Variants in F2 observed in about 807,000 individuals in gnomAD.
F2 encodes the protein prothrombin.
Under a neutral mutation model 81.9 loss-of-function variants are expected in F2, and 34 were observed. The observed-to-expected ratio is 0.42, with a 90% CI of 0.32 to 0.55. The LOEUF (loss-of-function observed/expected upper bound fraction) is 0.55, where lower values mean the gene tolerates loss of function less well. Among genes scored for constraint, F2 ranks in the 20% least tolerant of loss-of-function variants. The pLI is 0.18. For missense variants in F2, 630 were observed against 833.4 expected, an observed-to-expected ratio of 0.76 and a Z score of 3.00; for synonymous variants, 296 against 326.4, an observed-to-expected ratio of 0.91 and a Z score of 1.01.
rs746470803 is a variant in F2, at chr11:46,723,146, G to A, written c.317-34G>A. 1 of 1,597,840 alleles carries A rather than the reference G, an allele frequency of 6.3e-7. No homozygotes were observed. The highest frequency in any genetic ancestry group is 2.2e-5 in the East Asian group (1 of 44,816). On this transcript the variant is annotated intron_variant, in intron 4 of 13. Transcript: ENST00000311907. The surrounding 1 kb of genome is among the most constrained non-coding windows in gnomAD (Gnocchi z 5.6). Reference sequence around the variant, plus strand: ...CAGGGAGAGAGGAAATAAGTCCCCAGGCTCCAAGGCTGACCGGGGTGGGGT... The same window carrying A: ...CAGGGAGAGAGGAAATAAGTCCCCAAGCTCCAAGGCTGACCGGGGTGGGGT...
In F2 at chr11:46,726,845, C is replaced by T. The variant is rs751195955; in HGVS notation, c.1130+8C>T. 2.5e-6 allele frequency: 4 copies of T among 1,613,506 alleles called. No homozygotes were observed. The African/African-American group carries it at 5.3e-5, about 22-fold the overall frequency. Reference sequence around the variant, plus strand: ...GATCGGCATGTCACCTTGGTGTGTCCTGGAGCCCTGCGCTACCATTCACTC... The same window carrying T: ...GATCGGCATGTCACCTTGGTGTGTCTTGGAGCCCTGCGCTACCATTCACTC... On this transcript the variant is annotated splice_region_variant and intron_variant, in intron 9 of 13. Transcript: ENST00000311907. This position sits in a 1 kb window ranked among gnomAD's most constrained non-coding sequence, Gnocchi z 5.9.
Position 46,719,689 on chromosome 11 carries a change from C to T in F2, c.80-13C>T, listed in dbSNP as rs769031043. On this transcript the variant is annotated splice_polypyrimidine_tract_variant and intron_variant, in intron 1 of 13. Transcript: ENST00000311907. The surrounding 1 kb of genome is among the most constrained non-coding windows in gnomAD (Gnocchi z 4.7). The stretch of plus-strand genomic sequence containing the variant: ...TGAGGCCGCTGTCCCATGACCCCCC[C>T]ACCGCCTTACAGTGTTCCTGGCTCC... 8.9e-6 allele frequency: 14 copies of T among 1,581,870 alleles called. No individual in the cohort carries two copies. In the Admixed American group the frequency reaches 1.3e-4, roughly 14 times the overall value.
Position 46,723,131 on chromosome 11 carries a change from G to A in F2, c.317-49G>A, listed in dbSNP as rs1565702109. The A allele has an allele frequency of 1.9e-6, 3 of 1,548,668 alleles. No individual in the cohort carries two copies. ...GGATAGACAACTTTGCAGGGAGAGA[G>A]GAAATAAGTCCCCAGGCTCCAAGGC... On this transcript the variant is annotated intron_variant, in intron 4 of 13. Coordinates refer to ENST00000311907, the MANE Select transcript of F2 (RefSeq NM_000506.5). The surrounding 1 kb of genome is among the most constrained non-coding windows in gnomAD (Gnocchi z 5.6).
intron 6 of F2, 122 bp from the exon 7 acceptor site, chr11:46,725,737 G>T: frequency 8.9e-7 from 1 of 1,121,184 alleles, no homozygotes; most frequent in East Asian, 2.4e-5. Flanking sequence ...GAAGCCCAGA[G>T]AGGTTAAGTA....
Position 46,723,557 on chromosome 11 carries a change from C to A in F2, c.559+39C>A, listed in dbSNP as rs771528049. ...AGTGGGGCGGCCCATGGCCAAGGCC[C>A]GGGGGCTTCATGGGGCCTGGCAGCC... On this transcript the variant is annotated intron_variant, in intron 6 of 13. Transcript: ENST00000311907. The surrounding 1 kb of genome is among the most constrained non-coding windows in gnomAD (Gnocchi z 5.6). 6.3e-7 allele frequency: 1 copy of A among 1,580,800 alleles called. No individual in the cohort carries two copies. The highest frequency in any genetic ancestry group is 8.6e-7 in the Non-Finnish European group (1 of 1,161,904).
At chr11:46,720,049 T>C in intron 2 of F2, 187 bp downstream of exon 2, 1 of 775,784 alleles carries the variant, frequency 1.3e-6, no homozygotes, top group Non-Finnish European at 2.1e-6. Flanking sequence ...TCTCTGTGCC[T>C]GGACTGTGTC....
At chr11:46,724,964 G>C (rs974548537) in intron 6 of F2, among the ~76,000 whole-genome samples, 3 of 151,120 alleles carry the variant, frequency 2.0e-5, no homozygotes, top group Non-Finnish European at 4.4e-5. Flanking sequence ...TAGAGACGGG[G>C]TTTCACCATG....
chr11:46,726,860 A>T lies in F2; in HGVS notation c.1130+23A>T, dbSNP rs777707143. 3 of 1,613,352 alleles carry T rather than the reference A, an allele frequency of 1.9e-6. No homozygotes were observed. In the East Asian group the frequency reaches 6.7e-5, roughly 36 times the overall value. ...TTGGTGTGTCCTGGAGCCCTGCGCT[A>T]CCATTCACTCCTGGGGGCAGGTGTG... On this transcript the variant is annotated intron_variant, in intron 9 of 13. Transcript: ENST00000311907. The surrounding 1 kb of genome is among the most constrained non-coding windows in gnomAD (Gnocchi z 5.9).
Position 46,728,190 on chromosome 11 carries a change from C to A in F2, c.1298+27C>A. On this transcript the variant is annotated intron_variant, in intron 10 of 13. Transcript: ENST00000311907. This position sits in a 1 kb window ranked among gnomAD's most constrained non-coding sequence, Gnocchi z 5.1. ...TACAGAACTGGTGGCCCGTGGGTGT[C>A]TGGCAGGGGTCTGAGTCCTCCAAAG... 6.3e-7 allele frequency: 1 copy of A among 1,598,852 alleles called. No individual in the cohort carries two copies. Among genetic ancestry groups the A allele is most frequent in the South Asian group, 1.1e-5 (1 of 87,912 alleles).
intron 12 of F2, among the ~76,000 whole-genome samples, chr11:46,733,267 G>C (rs2064924702): frequency 6.6e-6 from 1 of 152,146 alleles, no homozygotes; most frequent in African/African-American, 2.4e-5. Flanking sequence ...TCCTATGGCT[G>C]GGCTCAGCCC....
chr11:46,720,663 C>G (rs1237995835), intron 3 of F2, 116 bp downstream of exon 3: 1 of 1,500,004 alleles, frequency 6.7e-7, no homozygotes. Flanking sequence ...CCCTTCCCCA[C>G]TCCTTCCTTG....
In F2 at chr11:46,723,277, T is replaced by C; in HGVS notation, c.414T>C (p.His138=). Residue 138 remains histidine, a synonymous_variant, in exon 5 of 14, where the codon CAT becomes CAC. Transcript: ENST00000311907. The surrounding 1 kb of genome is among the most constrained non-coding windows in gnomAD (Gnocchi z 5.6). ...ECQLWRSRYP[H]KPEINSTTHP... is the part of the protein sequence containing the mutation. Reference sequence around the variant, plus strand: ...AGCTATGGAGGAGTCGCTACCCACATAAGCCTGAGTGAGTGAGGGGCCGGC... The same window carrying C: ...AGCTATGGAGGAGTCGCTACCCACACAAGCCTGAGTGAGTGAGGGGCCGGC... 1 of 1,613,984 alleles carries C rather than the reference T, an allele frequency of 6.2e-7. No individual in the cohort carries two copies. The highest frequency in any genetic ancestry group is 2.2e-5 in the East Asian group (1 of 44,852).
chr11:46,729,375 CAA>C lies in F2; in HGVS notation c.1473-3_1473-2del. ...TCTCACTAGGCCCTTCTTCCTTCCC[CAA>C]AGCTTGCTCCAGGCTGGATACAAGG... On this transcript the variant is annotated splice_polypyrimidine_tract_variant and splice_region_variant and intron_variant, in intron 11 of 13. Transcript: ENST00000311907. The C allele has an allele frequency of 6.2e-7, 1 of 1,613,118 alleles. No homozygotes were observed. Among genetic ancestry groups the C allele is most frequent in the South Asian group, 1.1e-5 (1 of 91,084 alleles).
Position 46,728,850 on chromosome 11 carries a change from A to T in F2, c.1472+13A>T, listed in dbSNP as rs2064893000. On this transcript the variant is annotated intron_variant, in intron 11 of 13. Coordinates refer to ENST00000311907, the MANE Select transcript of F2 (RefSeq NM_000506.5). This position sits in a 1 kb window ranked among gnomAD's most constrained non-coding sequence, Gnocchi z 5.1. ...AGACGGCAGCCAGGTGGGCCACCAG[A>T]TGCTTGTTAGCTGAGGGGCAGAAGC... is the stretch of plus-strand genomic sequence containing the variant. 13 of 1,612,802 alleles carry T rather than the reference A, an allele frequency of 8.1e-6. No individual in the cohort carries two copies. Among genetic ancestry groups the T allele is most frequent in the Non-Finnish European group, 1.1e-5 (13 of 1,179,580 alleles).
At position 46,726,914 on chromosome 11, in the gene F2, C is replaced by T; in HGVS notation, c.1130+77C>T. 6.3e-7 allele frequency: 1 copy of T among 1,599,814 alleles called. No homozygotes were observed. Among genetic ancestry groups the T allele is most frequent in the Non-Finnish European group, 8.5e-7 (1 of 1,169,954 alleles). On this transcript the variant is annotated intron_variant, in intron 9 of 13. Coordinates refer to ENST00000311907, the MANE Select transcript of F2 (RefSeq NM_000506.5). This position sits in a 1 kb window ranked among gnomAD's most constrained non-coding sequence, Gnocchi z 5.9. ...CTGGACCCCCACCCTCAGGCCCTGC[C>T]TGCAGGCCTGGGCTTTACAGATGAC...
chr11:46,728,292 T>C lies in F2; in HGVS notation c.1298+129T>C. 1 of 1,083,170 alleles carries C rather than the reference T, an allele frequency of 9.2e-7. No individual in the cohort carries two copies. The highest frequency in any genetic ancestry group is 1.4e-6 in the Non-Finnish European group (1 of 731,224). The allele number at this position is 1,083,170 out of a possible 1,614,324, so 67.1% of individuals were successfully genotyped here. A position where few individuals can be genotyped will look rare whatever the true frequency, so the allele number is the denominator to read the frequency against. On this transcript the variant is annotated intron_variant, in intron 10 of 13. Transcript: ENST00000311907. This position sits in a 1 kb window ranked among gnomAD's most constrained non-coding sequence, Gnocchi z 5.1. ...CCCCCAGAATATAACATCCCAGCAG[T>C]CTCTGCTGGAAAGCCCATTTGGTCA...
rs1432881666 is a variant in F2, at chr11:46,726,712, CTG to C, written c.1008_1009del (p.Cys336TrpfsTer62). The C allele has an allele frequency of 6.2e-7, 1 of 1,614,128 alleles. No homozygotes were observed. Among genetic ancestry groups the C allele is most frequent in the Non-Finnish European group, 8.5e-7 (1 of 1,180,052 alleles). ...PRTFGSGEAD[C>X]GLRPLFEKKS... ...CTCACTGCTTGGCTTGCTCTGCAGACTGTGGGCTGCGACCTCTGTTCGAGAAG... is the reference window on the plus strand; with the variant it reads ...CTCACTGCTTGGCTTGCTCTGCAGACTGGGCTGCGACCTCTGTTCGAGAAG... On this transcript the variant is annotated frameshift_variant and splice_region_variant, in exon 9 of 14. Coordinates refer to ENST00000311907, the MANE Select transcript of F2 (RefSeq NM_000506.5). LOFTEE classifies it high-confidence loss of function. This position sits in a 1 kb window ranked among gnomAD's most constrained non-coding sequence, Gnocchi z 5.9.
rs201584455 is a variant in F2 at position 46,730,862 on chromosome 11, CA to C, written c.1654+1315del. ...TTACCCATAAATACTTGAGTATTTC[CA>C]AAAAAAAAAAAAATACCCAAGGATG... On this transcript the variant is annotated intron_variant, in intron 12 of 13. Coordinates refer to ENST00000311907, the MANE Select transcript of F2 (RefSeq NM_000506.5). Among the ~76,000 whole-genome samples, 1,080 of 135,606 alleles carry C rather than the reference CA, an allele frequency of 8.0e-3. 4 individuals carry two copies. The highest frequency in any genetic ancestry group is 0.012 in the African/African-American group (466 of 38,122). 89.0% of individuals were successfully genotyped at this position (135,606 alleles called of 152,430 possible). A position where few individuals can be genotyped will look rare whatever the true frequency, so the allele number is the denominator to read the frequency against.
Position 46,728,300 on chromosome 11 carries a change from G to T in F2, c.1298+137G>T. The T allele has an allele frequency of 9.5e-7, 1 of 1,049,742 alleles. No individual in the cohort carries two copies. The highest frequency in any genetic ancestry group is 1.4e-6 in the Non-Finnish European group (1 of 702,068). 65.0% of individuals were successfully genotyped at this position (1,049,742 alleles called of 1,614,324 possible). A position where few individuals can be genotyped will look rare whatever the true frequency, so the allele number is the denominator to read the frequency against. On this transcript the variant is annotated intron_variant, in intron 10 of 13. Transcript: ENST00000311907. The surrounding 1 kb of genome is among the most constrained non-coding windows in gnomAD (Gnocchi z 5.1). ...ATATAACATCCCAGCAGTCTCTGCT[G>T]GAAAGCCCATTTGGTCACGTCCTGA...
Sources: gnomAD v4.1 joint callset for allele counts (sites outside exome capture counted in the v4.1 genomes callset) on GRCh38, gnomAD v4.1.1 for gene constraint, Gnocchi (gnomAD v3.1) non-coding constraint, MANE v1.5 for transcripts, NCBI Gene and HGNC (gene_info 2026-07-23, HGNC 2026-07-21) for gene names.